The following TANC1 variants were observed in gnomAD, a reference collection of about 807,000 sequenced individuals.
TANC1 encodes tetratricopeptide repeat, ankyrin repeat and coiled-coil containing 1, also known as protein TANC1.
TANC1 carries 77 observed loss-of-function variants against 149.7 expected under a neutral mutation model. The ratio of observed to expected loss-of-function variants is 0.51; its 90% CI spans 0.43 to 0.62. The LOEUF (loss-of-function observed/expected upper bound fraction) is 0.62. TANC1 is among the 20% of genes least tolerant of loss of function. TANC1 has a pLI of 0.00. For synonymous variants in TANC1, 854 were observed against 925.0 expected, an observed-to-expected ratio of 0.92 and a Z score of 1.39; for missense variants, 1,985 against 2,321.8, an observed-to-expected ratio of 0.85 and a Z score of 2.98.
At position 159,230,738 on chromosome 2, in the gene TANC1, C is replaced by T. The variant is rs763485003; in HGVS notation, c.5312C>T (p.Ser1771Phe). Reference sequence around the variant, plus strand: ...CAGTCTGCTAACACTGAGAAGCCCTCTCTCATGCAAGTGGGAGGATATAAT... The same window carrying T: ...CAGTCTGCTAACACTGAGAAGCCCTTTCTCATGCAAGTGGGAGGATATAAT... ...GLQSANTEKP[S>F]LMQVGGYNNQ... Residue 1771 changes from serine to phenylalanine, a missense_variant, in exon 27 of 27, where the codon TCT becomes TTT. Coordinates refer to ENST00000263635, the MANE Select transcript of TANC1 (RefSeq NM_033394.3). The surrounding 1 kb of genome is among the most constrained non-coding windows in gnomAD (Gnocchi z 4.4). The T allele has an allele frequency of 9.3e-6, 15 of 1,614,082 alleles. No homozygotes were observed. The highest frequency in any genetic ancestry group is 1.0e-5 in the Non-Finnish European group (12 of 1,180,054).
intron 4 of TANC1, 40 bp from the exon 5 acceptor site, chr2:159,136,154 C>A: frequency 8.2e-7 from 1 of 1,225,352 alleles, no homozygotes; most frequent in African/African-American, 1.5e-5. Flanking sequence ...TTGTTTGCAT[C>A]TGGAAAAAAT....
intron 2 of TANC1, among the ~76,000 whole-genome samples, chr2:159,062,992 A>AAAAAAG (rs1559188236): frequency 6.8e-6 from 1 of 147,414 alleles, no homozygotes; most frequent in Non-Finnish European, 1.5e-5. Context: ...AAAAAAAAAA[A>AAAAAAG]AAAGAAAGCA....
At chr2:159,079,674 G>T (rs1019593146) in intron 3 of TANC1, among the ~76,000 whole-genome samples, 32 of 152,280 alleles carry the variant, frequency 2.1e-4, no homozygotes, top group African/African-American at 7.0e-4. Context: ...AAGGGAAAGG[G>T]TGGGCGGAGT....
chr2:159,023,143 A>G (rs1307994195), intron 2 of TANC1, among the ~76,000 whole-genome samples: 1 of 152,186 alleles, frequency 6.6e-6, no homozygotes, highest in Non-Finnish European at 1.5e-5. Flanking sequence ...ACACTTTGTC[A>G]GTCTTATTTC....
At position 158,987,158 on chromosome 2, in the gene TANC1, G is replaced by T. The variant is rs183195753; in HGVS notation, c.-125-13922G>T. Among the ~76,000 whole-genome samples, 1,048 of 148,654 alleles carry T rather than the reference G, an allele frequency of 7.0e-3. 9 individuals carry two copies. The highest frequency in any genetic ancestry group is 0.01 in the Non-Finnish European group (693 of 67,528). On this transcript the variant is annotated intron_variant, in intron 1 of 26. Coordinates refer to ENST00000263635, the MANE Select transcript of TANC1 (RefSeq NM_033394.3). ...GAACCCAAGAGTCGGAGGCTGCAGT[G>T]AGCCGAGATTGCGCCACTGCACTCC...
chr2:159,224,003 C>T (rs2059865687), intron 22 of TANC1, among the ~76,000 whole-genome samples: 1 of 152,196 alleles, frequency 6.6e-6, no homozygotes, highest in South Asian at 2.1e-4. Flanking sequence ...GGTAGCGTGT[C>T]CCCTGCTTTC....
At chr2:159,175,979 C>T (rs1256273322) in intron 12 of TANC1, among the ~76,000 whole-genome samples, 1 of 152,140 alleles carries the variant, frequency 6.6e-6, no homozygotes, top group East Asian at 1.9e-4. Flanking sequence ...CCCTGGAATC[C>T]ACTGGGGAGC....
At chr2:159,012,409 T>C (rs2037859697) in intron 2 of TANC1, among the ~76,000 whole-genome samples, 1 of 151,998 alleles carries the variant, frequency 6.6e-6, no homozygotes, top group South Asian at 2.1e-4. Context: ...AACACGTGCC[T>C]CTGGAACCTT....
At chr2:158,989,406 G>GAGCA (rs2035369104) in intron 1 of TANC1, among the ~76,000 whole-genome samples, 1 of 151,766 alleles carries the variant, frequency 6.6e-6, no homozygotes, top group Non-Finnish European at 1.5e-5. Flanking sequence ...AGGAGTTTGA[G>GAGCA]AGCAGCCTGG....
chr2:159,084,330 G>A (rs1015967911), intron 3 of TANC1, among the ~76,000 whole-genome samples: 2 of 152,032 alleles, frequency 1.3e-5, no homozygotes, highest in African/African-American at 4.8e-5. Flanking sequence ...GAAAGACCTT[G>A]TTATATAGCC....
chr2:159,219,187 G>A (rs751829347), intron 20 of TANC1, 51 bp from the exon 21 acceptor site: 1 of 1,611,448 alleles, frequency 6.2e-7, no homozygotes, highest in East Asian at 2.2e-5. Flanking sequence ...GGTATAGCAG[G>A]TGTGGTGGAA....
intron 2 of TANC1, among the ~76,000 whole-genome samples, chr2:159,033,525 T>C (rs2039946762): frequency 6.6e-6 from 1 of 152,160 alleles, no homozygotes; most frequent in Non-Finnish European, 1.5e-5. Flanking sequence ...GGATACACTT[T>C]GGGAAACATT....
At chr2:159,072,017 G>A (rs934119078) in intron 3 of TANC1, among the ~76,000 whole-genome samples, 1 of 152,182 alleles carries the variant, frequency 6.6e-6, no homozygotes, top group African/African-American at 2.4e-5. Context: ...TCTCGGCTCT[G>A]TTGCCTGGGC....
intron 1 of TANC1, among the ~76,000 whole-genome samples, chr2:158,995,949 CTTCT>C (rs2036095884): frequency 6.6e-6 from 1 of 152,236 alleles, no homozygotes; most frequent in Non-Finnish European, 1.5e-5. Flanking sequence ...GATTCTGTTT[CTTCT>C]TTGTCAGATC....
At chr2:158,998,642 T>C (rs2036353657) in intron 1 of TANC1, among the ~76,000 whole-genome samples, 1 of 152,160 alleles carries the variant, frequency 6.6e-6, no homozygotes, top group South Asian at 2.1e-4. Context: ...CTGACGTGGA[T>C]CTGTACTTGT....
chr2:159,068,987 C>A (rs1453221644), intron 3 of TANC1, among the ~76,000 whole-genome samples: 4 of 152,168 alleles, frequency 2.6e-5, no homozygotes, highest in Non-Finnish European at 4.4e-5. Context: ...GTGATCCACT[C>A]GCCTCGGCCT....
intron 2 of TANC1, among the ~76,000 whole-genome samples, chr2:159,043,021 T>C (rs2040774370): frequency 2.6e-5 from 4 of 152,200 alleles, no homozygotes; most frequent in African/African-American, 9.6e-5. Flanking sequence ...TCTAGTACCT[T>C]GCTTAAGAGC....
chr2:159,117,187 G>C (rs2048350641), intron 4 of TANC1, among the ~76,000 whole-genome samples: 1 of 152,130 alleles, frequency 6.6e-6, no homozygotes, highest in Admixed American at 6.5e-5. Flanking sequence ...TGTATGTGAC[G>C]AGACCTCTTA....
intron 2 of TANC1, among the ~76,000 whole-genome samples, chr2:159,010,991 G>A (rs752631927): frequency 1.3e-5 from 2 of 152,134 alleles, no homozygotes; most frequent in Non-Finnish European, 2.9e-5. Flanking sequence ...GGAAGGTGAT[G>A]TTATTTAATA....
Sources: allele counts gnomAD v4.1 joint callset (sites outside exome capture counted in the v4.1 genomes callset), GRCh38; gene constraint gnomAD v4.1.1; non-coding constraint Gnocchi (gnomAD v3.1); transcripts MANE v1.5; gene names NCBI Gene and HGNC (gene_info 2026-07-23, HGNC 2026-07-21).